ZNF101: variants seen among roughly 807,000 people sequenced by gnomAD.
ZNF101 encodes zinc finger protein 101, also known as zinc finger protein 101 (Y2).
ZNF101 carries 34 observed loss-of-function variants against 42.6 expected under a neutral mutation model. That is an observed-to-expected ratio of 0.80 (90% CI 0.61 to 1.06). ZNF101 has a LOEUF of 1.06. ZNF101 is among the 50% of genes least tolerant of loss of function. The pLI is 0.00. For synonymous variants in ZNF101, 158 were observed against 183.9 expected (o/e 0.86, Z 1.14); for missense variants, 466 against 530.9 (o/e 0.88, Z 1.20).
At chr19:19,669,096 C>A in intron 1 of ZNF101, 130 bp downstream of exon 1, 2 of 1,316,980 alleles carry the variant, frequency 1.5e-6, no homozygotes, top group East Asian at 2.7e-5. Flanking sequence ...CAGCTCGACC[C>A]TTGGTCCCCT....
intron 1 of ZNF101, among the ~76,000 whole-genome samples, chr19:19,672,713 C>T (rs2062178440): frequency 6.6e-6 from 1 of 151,762 alleles, no homozygotes; most frequent in Admixed American, 6.6e-5. Context: ...TTTTAGTAGA[C>T]ACGGGGTTTC....
At chr19:19,668,415 T>C (rs964863038), upstream of ZNF101, among the ~76,000 whole-genome samples, 1 of 152,072 alleles carries the variant, frequency 6.6e-6, no homozygotes, top group Non-Finnish European at 1.5e-5. Context: ...ATCCTGGAAC[T>C]GTCTGCCGGT....
intron 1 of ZNF101, among the ~76,000 whole-genome samples, chr19:19,674,810 G>A (rs1413186488): frequency 6.6e-6 from 1 of 152,142 alleles, no homozygotes; most frequent in African/African-American, 2.4e-5. Context: ...ATTCGTTGAG[G>A]TTTTTAAAAT....
Position 19,681,164 on chromosome 19 carries a change from T to C in ZNF101, c.*864T>C, listed in dbSNP as rs2062238411. 6.6e-6 allele frequency: 1 copy of C among 152,144 alleles called. No homozygotes were observed. Among genetic ancestry groups the C allele is most frequent in the Admixed American group, 6.6e-5 (1 of 15,252 alleles). 9.4% of individuals were successfully genotyped at this position (152,144 alleles called of 1,614,324 possible). ...TCATTTATACAGGAGAGAAATCCTATGAATGTAAGGAATATGGGAATACAT... is the reference window on the plus strand; with the variant it reads ...TCATTTATACAGGAGAGAAATCCTACGAATGTAAGGAATATGGGAATACAT... On this transcript the variant is annotated 3_prime_UTR_variant, in exon 4 of 4. Transcript: ENST00000592502.
At chr19:19,675,890 T>C (rs1221917575) in intron 1 of ZNF101, among the ~76,000 whole-genome samples, 1 of 152,054 alleles carries the variant, frequency 6.6e-6, no homozygotes. Flanking sequence ...CCACCTGTAG[T>C]AGGGAACAAG....
intron 1 of ZNF101, among the ~76,000 whole-genome samples, chr19:19,674,198 A>G (rs191849101): frequency 6.6e-6 from 1 of 151,938 alleles, no homozygotes; most frequent in African/African-American, 2.4e-5. Context: ...TTTGGTCTTG[A>G]GACAGTCTAC....
intron 2 of ZNF101, 142 bp from the exon 3 acceptor site, chr19:19,678,584 C>T (rs1260787422): frequency 1.5e-6 from 1 of 653,470 alleles, no homozygotes; most frequent in African/African-American, 1.9e-5. Flanking sequence ...CACTGCACTC[C>T]AGCCTGGGTG....
rs973326880 is a variant in ZNF101, at chr19:19,681,817, A to G, written c.*1517A>G. On this transcript the variant is annotated 3_prime_UTR_variant, in exon 4 of 4. Transcript: ENST00000592502. ...AAACGTAAGTAATTTTGAAAGCCTG[A>G]TGCAAATTAATTATTATATAATGCT... The G allele has an allele frequency of 1.3e-5, 2 of 152,100 alleles. No homozygotes were observed. Among genetic ancestry groups the G allele is most frequent in the Non-Finnish European group, 2.9e-5 (2 of 68,030 alleles). The allele number at this position is 152,100 out of a possible 1,614,324, so 9.4% of individuals were successfully genotyped here. A position where few individuals can be genotyped will look rare whatever the true frequency, so the allele number is the denominator to read the frequency against.
chr19:19,678,600 G>A (rs967871635), intron 2 of ZNF101, 126 bp from the exon 3 acceptor site: 11 of 743,728 alleles, frequency 1.5e-5, no homozygotes, highest in African/African-American at 5.5e-5. Context: ...GGGTGGCAGA[G>A]TGAGACTTTG....
rs1316067692 is a variant in ZNF101 at position 19,682,821 on chromosome 19, T to C, written c.*2521T>C. ...CATTACAAAATGAGTCTATTTTTGT[T>C]TGTTTTCTTTTGTTTTTGAGACTGA... On this transcript the variant is annotated 3_prime_UTR_variant, in exon 4 of 4. Coordinates refer to ENST00000592502, the MANE Select transcript of ZNF101 (RefSeq NM_033204.4). 1.3e-5 allele frequency: 2 copies of C among 152,108 alleles called. No individual in the cohort carries two copies. Among genetic ancestry groups the C allele is most frequent in the African/African-American group, 2.4e-5 (1 of 41,420 alleles). The allele number at this position is 152,108 out of a possible 1,614,324, so 9.4% of individuals were successfully genotyped here. A position where few individuals can be genotyped will look rare whatever the true frequency, so the allele number is the denominator to read the frequency against.
intron 1 of ZNF101, 134 bp from the exon 2 acceptor site, chr19:19,677,730 T>TAGGG: frequency 1.5e-6 from 2 of 1,340,684 alleles, no homozygotes; most frequent in South Asian, 1.4e-5. Context: ...TGCGTGTAGA[T>TAGGG]AGGAGGAGGC....
rs1467146923 is a variant in ZNF101 at position 19,680,104 on chromosome 19, G to A, written c.1115G>A (p.Gly372Asp). Residue 372 changes from glycine to aspartate, a missense_variant, in exon 4 of 4, where the codon GGT becomes GAT. By Grantham distance (94) the Gly-to-Asp change is moderately conservative (BLOSUM62 -1). Coordinates refer to ENST00000592502, the MANE Select transcript of ZNF101 (RefSeq NM_033204.4). ...AAGCCATATGAATGTACAAGGTGTG[G>A]TAAAGCCTTTGGGTGGTGCAGTTCC... ...GEKPYECTRC[G>D]KAFGWCSSLR... 1 of 1,614,092 alleles carries A rather than the reference G, an allele frequency of 6.2e-7. No homozygotes were observed. The highest frequency in any genetic ancestry group is 1.7e-5 in the Admixed American group (1 of 59,998).
At chr19:19,676,665 G>C (rs1211661016) in intron 1 of ZNF101, 1 of 147,848 alleles carries the variant, frequency 6.8e-6, no homozygotes, top group Non-Finnish European at 1.5e-5. Flanking sequence ...ACGGCGTCTC[G>C]CTCTGTTGCC....
intron 1 of ZNF101, among the ~76,000 whole-genome samples, chr19:19,669,257 G>A (rs1312689610): frequency 2.6e-5 from 4 of 152,174 alleles, no homozygotes; most frequent in Non-Finnish European, 2.9e-5. Context: ...ATCCCGCCTC[G>A]GGTGTGGGGT....
rs1245914729 is a variant in ZNF101 at position 19,673,007 on chromosome 19, C to T, written c.3+4041C>T. Among the ~76,000 whole-genome samples, 8 of 151,834 alleles carry T rather than the reference C, an allele frequency of 5.3e-5. No homozygotes were observed. The East Asian group carries it at 5.8e-4, about 11-fold the overall frequency. ...TCACCCAGACTGGAATGCAGTGGCA[C>T]GGTCTTGACTCACTGCAACCTCCAC... is the stretch of plus-strand genomic sequence containing the variant. On this transcript the variant is annotated intron_variant, in intron 1 of 3. Transcript: ENST00000592502.
chr19:19,683,431 G>A lies in ZNF101; in HGVS notation c.*3131G>A, dbSNP rs954305871. 9 of 152,102 alleles carry A rather than the reference G, an allele frequency of 5.9e-5. No individual in the cohort carries two copies. The South Asian group carries it at 6.2e-4, about 10-fold the overall frequency. The allele number at this position is 152,102 out of a possible 1,614,324, so 9.4% of individuals were successfully genotyped here. On this transcript the variant is annotated 3_prime_UTR_variant, in exon 4 of 4. Coordinates refer to ENST00000592502, the MANE Select transcript of ZNF101 (RefSeq NM_033204.4). Reference sequence around the variant, plus strand: ...TGACAATATTTTTATCTAATCTGATGGAGAAAGCATTTAGTCTCCTGATCA... The same window carrying A: ...TGACAATATTTTTATCTAATCTGATAGAGAAAGCATTTAGTCTCCTGATCA...
In ZNF101 at chr19:19,681,362, A is replaced by C. The variant is rs2062239371; in HGVS notation, c.*1062A>C. The C allele has an allele frequency of 6.6e-6, 1 of 152,246 alleles. No homozygotes were observed. The highest frequency in any genetic ancestry group is 6.5e-5 in the Admixed American group (1 of 15,276). The allele number at this position is 152,246 out of a possible 1,614,324, so 9.4% of individuals were successfully genotyped here. A position where few individuals can be genotyped will look rare whatever the true frequency, so the allele number is the denominator to read the frequency against. ...TCCATTCAAAGACACGTGTCAGTGC[A>C]CACTGGAGATGGATGGTATGAATCG... On this transcript the variant is annotated 3_prime_UTR_variant, in exon 4 of 4. Transcript: ENST00000592502.
chr19:19,669,900 C>G (rs1031872834), intron 1 of ZNF101, among the ~76,000 whole-genome samples: 1 of 151,924 alleles, frequency 6.6e-6, no homozygotes, highest in Admixed American at 6.6e-5. Flanking sequence ...AACCCCCTGA[C>G]ACTCCGATGT....
At chr19:19,678,639 T>G in intron 2 of ZNF101, 87 bp from the exon 3 acceptor site, 1 of 1,155,982 alleles carries the variant, frequency 8.7e-7, no homozygotes, top group Non-Finnish European at 1.2e-6. Context: ...AATCAGGCAT[T>G]GTGGCAGTGT....
Sources: gnomAD v4.1 joint callset for allele counts (sites outside exome capture counted in the v4.1 genomes callset) on GRCh38, gnomAD v4.1.1 for gene constraint, MANE v1.5 for transcripts, NCBI Gene and HGNC (gene_info 2026-07-23, HGNC 2026-07-21) for gene names.